Variants in RHCE observed in about 807,000 individuals in gnomAD.
RHCE encodes blood group Rh(CE) polypeptide.
RHCE carries 22 observed loss-of-function variants against 43.8 expected under a neutral mutation model. The ratio of observed to expected loss-of-function variants is 0.50; its 90% CI spans 0.36 to 0.72. The LOEUF (loss-of-function observed/expected upper bound fraction) is 0.72. RHCE is among the 30% of genes least tolerant of loss of function. The pLI is 0.00. For missense variants in RHCE, 385 were observed against 525.4 expected (o/e 0.73, Z 2.61); for synonymous variants, 156 against 210.7 (o/e 0.74, Z 2.25).
At chr1:25,392,562 CTTTTTTTTTTTT>C (rs1211993147) in intron 3 of RHCE, among the ~76,000 whole-genome samples, 3 of 66,384 alleles carry the variant, frequency 4.5e-5, no homozygotes, top group Non-Finnish European at 8.2e-5. Context: ...TGCCCGGCCT[CTTTTTTTTTTTT>C]TTTTTTTTTT....
intron 2 of RHCE, among the ~76,000 whole-genome samples, chr1:25,427,118 G>A (rs1456669237): frequency 6.6e-6 from 1 of 152,112 alleles, no homozygotes; most frequent in Non-Finnish European, 1.5e-5. Flanking sequence ...GGTGGCCATC[G>A]AAATGTTTGG....
intron 1 of RHCE, among the ~76,000 whole-genome samples, chr1:25,417,035 C>G (rs1647577270): frequency 6.6e-6 from 1 of 151,538 alleles, no homozygotes; most frequent in Admixed American, 6.6e-5. Context: ...TGAGACCAAT[C>G]TTGTTTCTAT....
chr1:25,423,224 T>G (rs1267121168), upstream of RHCE, among the ~76,000 whole-genome samples: 3 of 152,176 alleles, frequency 2.0e-5, no homozygotes, highest in African/African-American at 7.2e-5. Context: ...TCAGTACTTC[T>G]TATAAACTGG....
At chr1:25,394,362 C>T (rs1646476877) in intron 3 of RHCE, among the ~76,000 whole-genome samples, 1 of 152,060 alleles carries the variant, frequency 6.6e-6, no homozygotes, top group African/African-American at 2.4e-5. Context: ...CAGCACCCTG[C>T]CATTGTTCTG....
Position 25,389,039 on chromosome 1 carries a change from C to A in RHCE, c.876G>T (p.Trp292Cys). Residue 292 changes from tryptophan to cysteine, a missense_variant, in exon 6 of 10, where the codon TGG (tryptophan) becomes TGT (cysteine). Trp to Cys is a radical substitution (Grantham distance 215). Transcript: ENST00000294413. ...GTSCHLIPSP[W>C]LAMVLGLVAG... ...CCACAAGACCCAGCACCATGGCAAG[C>A]CACGGAGAAGGGATCAGGTGACACG... is the stretch of plus-strand genomic sequence containing the variant. The A allele has an allele frequency of 6.2e-7, 1 of 1,614,248 alleles. No homozygotes were observed. The highest frequency in any genetic ancestry group is 8.5e-7 in the Non-Finnish European group (1 of 1,180,044).
intron 7 of RHCE, among the ~76,000 whole-genome samples, chr1:25,377,420 T>A (rs193033418): frequency 8.6e-4 from 131 of 152,070 alleles, no homozygotes; most frequent in African/African-American, 3.0e-3. Context: ...ATGATCTCGA[T>A]CTCTTGACCT....
intron 3 of RHCE, among the ~76,000 whole-genome samples, chr1:25,394,138 AC>A (rs1261367671): frequency 9.2e-5 from 14 of 151,874 alleles, no homozygotes; most frequent in African/African-American, 2.9e-4. Flanking sequence ...ACAGGCGCCC[AC>A]CACTGTGCCC....
intron 9 of RHCE, among the ~76,000 whole-genome samples, chr1:25,367,151 A>AT (rs1327477966): frequency 9.4e-4 from 2 of 2,126 alleles, no homozygotes; most frequent in African/African-American, 1.1e-3. Flanking sequence ...TCCAGCAAAT[A>AT]TTTTTTTTCA....
intron 1 of RHCE, among the ~76,000 whole-genome samples, chr1:25,413,716 G>C (rs1171515904): frequency 6.6e-6 from 1 of 151,998 alleles, no homozygotes; most frequent in East Asian, 1.9e-4. Flanking sequence ...TACAGACTTA[G>C]CCCACAACAG....
In RHCE at chr1:25,396,515, C is replaced by A. The variant is rs190055241; in HGVS notation, c.487-4374G>T. On this transcript the variant is annotated intron_variant, in intron 3 of 9. Transcript: ENST00000294413. ...CTGCGTAATTTATAAACAAAAGAGG[C>A]TGAATTGACTCACAGTTTGGCATGG... Among the ~76,000 whole-genome samples, 4 of 152,264 alleles carry A rather than the reference C, an allele frequency of 2.6e-5. No individual in the cohort carries two copies. In the East Asian group the frequency reaches 7.7e-4, roughly 29 times the overall value.
At chr1:25,420,955 A>T, upstream of RHCE, 3 of 1,314,670 alleles carry the variant, frequency 2.3e-6, no homozygotes, top group Admixed American at 6.4e-5. Flanking sequence ...ACGGAAGCAG[A>T]GGGACTATGA....
At chr1:25,378,900 A>G (rs923273903) in intron 7 of RHCE, among the ~76,000 whole-genome samples, 5 of 152,176 alleles carry the variant, frequency 3.3e-5, no homozygotes, top group Non-Finnish European at 7.3e-5. Context: ...ATGACAGAAC[A>G]CTATATCCCA....
intron 1 of RHCE, among the ~76,000 whole-genome samples, chr1:25,412,439 G>A (rs2473370): frequency 4.1e-4 from 62 of 152,102 alleles, no homozygotes; most frequent in Admixed American, 3.5e-3. Flanking sequence ...CAGACCAGGT[G>A]TGGTGGCTCA....
At position 25,402,707 on chromosome 1, in the gene RHCE, G is replaced by C. The variant is rs143715642; in HGVS notation, c.375C>G (p.Ile125Met). 219 of 1,614,184 alleles carry C rather than the reference G, an allele frequency of 1.4e-4. 2 individuals are homozygous for C. In the East Asian group the frequency reaches 4.5e-3, roughly 33 times the overall value. Residue 125 changes from isoleucine (I) to methionine (M), a missense_variant, in exon 3 of 10, where the codon ATC (isoleucine) becomes ATG (methionine). Ile to Met is a conservative substitution (Grantham distance 10). Transcript: ENST00000294413. The stretch of plus-strand genomic sequence containing the variant: ...CCTTCCCCAAGACAGCACCCGCTGA[G>C]ATCAGCACCGACATAGCACTCATGG... ...LATMSAMSVL[I>M]SAGAVLGKVN... is the part of the protein sequence containing the mutation.
intron 8 of RHCE, among the ~76,000 whole-genome samples, chr1:25,373,836 CTTTTTTTTTTTTTT>C (rs1226811791): frequency 2.1e-5 from 3 of 143,282 alleles, no homozygotes; most frequent in Non-Finnish European, 4.6e-5. Flanking sequence ...TATTTTCTTT[CTTTTTTTTTTTTTT>C]GAGACAGTCT....
chr1:25,405,800 G>A lies in RHCE; in HGVS notation c.335+2883C>T, dbSNP rs1646899453. Among the ~76,000 whole-genome samples the A allele has an allele frequency of 1.6e-5, 2 of 123,346 alleles. 1 individual carries two copies. The highest frequency in any genetic ancestry group is 3.7e-5 in the Non-Finnish European group (2 of 53,978). The allele number at this position is 123,346 out of a possible 152,430, so 80.9% of individuals were successfully genotyped here. ...ATAAGATAGGCCCCTCCCCTGAAGGGACTCAAAACAGAACCAAATCAGTCC... is the reference window on the plus strand; with the variant it reads ...ATAAGATAGGCCCCTCCCCTGAAGGAACTCAAAACAGAACCAAATCAGTCC... On this transcript the variant is annotated intron_variant, in intron 2 of 9. Coordinates refer to ENST00000294413, the MANE Select transcript of RHCE (RefSeq NM_020485.8).
chr1:25,399,186 C>T lies in RHCE; in HGVS notation c.486+3410G>A, dbSNP rs1646652096. 9.9e-6 allele frequency: 10 copies of T among 1,005,508 alleles called. 1 individual carries two copies. The Middle Eastern group carries it at 1.5e-3, about 153-fold the overall frequency. The allele number at this position is 1,005,508 out of a possible 1,614,324, so 62.3% of individuals were successfully genotyped here. A position where few individuals can be genotyped will look rare whatever the true frequency, so the allele number is the denominator to read the frequency against. On this transcript the variant is annotated intron_variant, in intron 3 of 9. Coordinates refer to ENST00000294413, the MANE Select transcript of RHCE (RefSeq NM_020485.8). ...GGGCATCTGCAAAGCTGTTGCCATG[C>T]TGTGGAAGCTCTGACCTTTTTGACT...
intron 3 of RHCE, among the ~76,000 whole-genome samples, chr1:25,393,418 C>G (rs560664198): frequency 3.9e-5 from 6 of 151,978 alleles, no homozygotes; most frequent in African/African-American, 1.5e-4. Context: ...GTCAGGAGTT[C>G]GATACCAGCC....
rs540105177 is a variant in RHCE at position 25,414,181 on chromosome 1, G to C, written c.149-5312C>G. Among the ~76,000 whole-genome samples the C allele has an allele frequency of 5.0e-3, 758 of 151,466 alleles. 3 individuals carry two copies. Among genetic ancestry groups the C allele is most frequent in the African/African-American group, 0.017 (711 of 41,366 alleles). ...CTCTCCCCCAGGCCTGTTGCAAAGA[G>C]ACCACTTGCAAAGAGTTCGTTTGGA... On this transcript the variant is annotated intron_variant, in intron 1 of 9. Coordinates refer to ENST00000294413, the MANE Select transcript of RHCE (RefSeq NM_020485.8).
Sources: gnomAD v4.1 joint callset for allele counts (sites outside exome capture counted in the v4.1 genomes callset) on GRCh38, gnomAD v4.1.1 for gene constraint, MANE v1.5 for transcripts, NCBI Gene and HGNC (gene_info 2026-07-23, HGNC 2026-07-21) for gene names.